Variants in VIRMA observed in about 807,000 individuals in gnomAD.
VIRMA encodes the protein vir like m6A methyltransferase associated.
Under a neutral mutation model 182.4 loss-of-function variants are expected in VIRMA, and 65 were observed. The observed-to-expected ratio is 0.36, with a 90% CI of 0.29 to 0.44. The LOEUF (loss-of-function observed/expected upper bound fraction) is 0.44, where lower values mean the gene tolerates loss of function less well. VIRMA is among the 20% of genes least tolerant of loss of function. VIRMA has a pLI of 1.00. For missense variants in VIRMA, 1,752 were observed against 2,158.1 expected, an observed-to-expected ratio of 0.81 and a Z score of 3.73; for synonymous variants, 709 against 743.1, an observed-to-expected ratio of 0.95 and a Z score of 0.75.
intron 16 of VIRMA, among the ~76,000 whole-genome samples, chr8:94,503,129 G>GTAA (rs1247188925): frequency 1.0e-5 from 1 of 98,440 alleles, no homozygotes; most frequent in Admixed American, 1.1e-4. Flanking sequence ...CACCACCACA[G>GTAA]TAATAACTGC....
chr8:94,496,518 GA>G, intron 17 of VIRMA, 38 bp from the exon 18 acceptor site: 2 of 1,562,156 alleles, frequency 1.3e-6, no homozygotes, highest in Non-Finnish European at 1.7e-6. Flanking sequence ...TGAGAACAGA[GA>G]AATTTACAAA....
intron 11 of VIRMA, among the ~76,000 whole-genome samples, chr8:94,513,739 C>T (rs149460287): frequency 3.9e-5 from 6 of 152,266 alleles, no homozygotes; most frequent in African/African-American, 1.4e-4. Flanking sequence ...AATACTCACT[C>T]AACCATGCAC....
chr8:94,517,309 T>C (rs899664225), intron 10 of VIRMA, among the ~76,000 whole-genome samples: 1 of 152,156 alleles, frequency 6.6e-6, no homozygotes, highest in African/African-American at 2.4e-5. Context: ...TTCAAGCAAT[T>C]CTCTTGCCTC....
intron 1 of VIRMA, among the ~76,000 whole-genome samples, chr8:94,549,645 C>A (rs1437410886): frequency 6.6e-6 from 1 of 152,186 alleles, no homozygotes; most frequent in African/African-American, 2.4e-5. Flanking sequence ...TTGTATAAAT[C>A]CTCTCCTACG....
chr8:94,535,422 T>C (rs1292328038), intron 4 of VIRMA, among the ~76,000 whole-genome samples: 1 of 152,176 alleles, frequency 6.6e-6, no homozygotes, highest in African/African-American at 2.4e-5. Context: ...TAAAACTACA[T>C]AGCATTCTTC....
chr8:94,526,817 CCTGTAA>C lies in VIRMA; in HGVS notation c.1421_1426del (p.Val474_Thr475del), dbSNP rs1814987689. On this transcript the variant is annotated inframe_deletion, in exon 8 of 24. Coordinates refer to ENST00000297591, the MANE Select transcript of VIRMA (RefSeq NM_015496.5). ...ACTGATCACTCCTGCTTGTAGCAGT[CCTGTAA>C]CTCCTTGAGCCCCACATTCTGCTAG... is the stretch of plus-strand genomic sequence containing the variant. 1 of 1,614,164 alleles carries C rather than the reference CCTGTAA, an allele frequency of 6.2e-7. No individual in the cohort carries two copies. Among genetic ancestry groups the C allele is most frequent in the African/African-American group, 1.3e-5 (1 of 75,038 alleles).
At position 94,506,619 on chromosome 8, in the gene VIRMA, G is replaced by T; in HGVS notation, c.3978C>A (p.Ile1326=). Residue 1326 remains isoleucine, a synonymous_variant, in exon 16 of 24, where the codon ATC becomes ATA. Coordinates refer to ENST00000297591, the MANE Select transcript of VIRMA (RefSeq NM_015496.5). The part of the protein sequence containing the change: ...SLPNKELMTS[I]CDCLLATLAN... ...CTAGCGTAGCCAACAGACAGTCACAGATTGAGGTCATCAATTCTTTATTTG... is the reference window on the plus strand; with the variant it reads ...CTAGCGTAGCCAACAGACAGTCACATATTGAGGTCATCAATTCTTTATTTG... 6.2e-7 allele frequency: 1 copy of T among 1,613,558 alleles called. No individual in the cohort carries two copies.
intron 15 of VIRMA, 57 bp downstream of exon 15, chr8:94,509,625 TACACAC>T (rs138207070): frequency 2.9e-5 from 41 of 1,412,640 alleles, no homozygotes; most frequent in South Asian, 1.0e-4. Flanking sequence ...GATGCTTAAA[TACACAC>T]ACACACACAC....
At chr8:94,530,514 A>G (rs990438014) in intron 6 of VIRMA, among the ~76,000 whole-genome samples, 2 of 151,974 alleles carry the variant, frequency 1.3e-5, no homozygotes, top group Admixed American at 6.6e-5. Flanking sequence ...AAAAAAAGAA[A>G]AAAGAAAGAA....
At chr8:94,504,564 A>G (rs1563459892) in intron 16 of VIRMA, among the ~76,000 whole-genome samples, 1 of 152,330 alleles carries the variant, frequency 6.6e-6, no homozygotes, top group East Asian at 1.9e-4. Context: ...ATTTCAGCAG[A>G]AATCCGGTTT....
At chr8:94,549,882 G>C (rs1217294889) in intron 1 of VIRMA, among the ~76,000 whole-genome samples, 1 of 152,110 alleles carries the variant, frequency 6.6e-6, no homozygotes, top group Non-Finnish European at 1.5e-5. Flanking sequence ...AATCGCTTGA[G>C]CTCAGGAATT....
chr8:94,512,643 G>A (rs1413028680), intron 11 of VIRMA, among the ~76,000 whole-genome samples: 1 of 152,116 alleles, frequency 6.6e-6, no homozygotes, highest in African/African-American at 2.4e-5. Flanking sequence ...CAGGCATGAC[G>A]GTGCGTGCCT....
intron 11 of VIRMA, among the ~76,000 whole-genome samples, chr8:94,514,559 C>T (rs928122953): frequency 9.2e-5 from 14 of 152,164 alleles, no homozygotes; most frequent in African/African-American, 3.4e-4. Context: ...ATGACTACAG[C>T]ATTTAAAACA....
In VIRMA at chr8:94,506,728, C is replaced by T. The variant is rs570616022; in HGVS notation, c.3880-11G>A. ...GATAAGTGCAATGTCCTGTGGGGAG[C>T]AGGGAAAAAAAAATCGATTTTTTAA... On this transcript the variant is annotated splice_polypyrimidine_tract_variant and intron_variant, in intron 15 of 23. Coordinates refer to ENST00000297591, the MANE Select transcript of VIRMA (RefSeq NM_015496.5). 1.9e-6 allele frequency: 3 copies of T among 1,558,376 alleles called. No homozygotes were observed. The highest frequency in any genetic ancestry group is 2.8e-5 in the African/African-American group (2 of 72,460).
rs528984885 is a variant in VIRMA at position 94,489,873 on chromosome 8, T to G, written c.5284+66A>C. ...CCCCTAGCCCCCTCTGTATATGATATCAACAATTTTAAAGGAGGAATTTAC... is the reference window on the plus strand; with the variant it reads ...CCCCTAGCCCCCTCTGTATATGATAGCAACAATTTTAAAGGAGGAATTTAC... On this transcript the variant is annotated intron_variant, in intron 23 of 23. Transcript: ENST00000297591. The G allele has an allele frequency of 6.5e-6, 10 of 1,542,258 alleles. No homozygotes were observed. In the African/African-American group the frequency reaches 1.2e-4, roughly 19 times the overall value.
intron 16 of VIRMA, among the ~76,000 whole-genome samples, chr8:94,503,022 T>C (rs950979130): frequency 2.6e-5 from 4 of 152,092 alleles, no homozygotes; most frequent in African/African-American, 9.7e-5. Flanking sequence ...CTGATATAAA[T>C]ATCTGGATAA....
At position 94,540,465 on chromosome 8, in the gene VIRMA, T is replaced by TTC. The variant is rs1554560344; in HGVS notation, c.180-2120_180-2119insGA. On this transcript the variant is annotated intron_variant, in intron 2 of 23. Transcript: ENST00000297591. ...TTCTTTACTTTTTCTTCTTTTCTTT[T>TTC]TTTTTTTTTTTTTTTTGAGACGGAG... Among the ~76,000 whole-genome samples the TTC allele has an allele frequency of 2.3e-3, 311 of 133,892 alleles. 2 individuals carry two copies. Among genetic ancestry groups the TTC allele is most frequent in the South Asian group, 0.016 (57 of 3,486 alleles). 87.8% of individuals were successfully genotyped at this position (133,892 alleles called of 152,430 possible). A position where few individuals can be genotyped will look rare whatever the true frequency, so the allele number is the denominator to read the frequency against.
chr8:94,526,709 C>G lies in VIRMA; in HGVS notation c.1535G>C (p.Ser512Thr), dbSNP rs1814983288. ...AAAAGCTTCCATTCCTTCTGTCATA[C>G]TAATGACACTGTCCAAAGCTTTAAA... ...NAFKALDSVI[S>T]MTEGMEAFLR... Residue 512 changes from serine to threonine, a missense_variant, in exon 8 of 24, where the codon AGT becomes ACT. Ser to Thr is a moderately conservative substitution (Grantham distance 58). Coordinates refer to ENST00000297591, the MANE Select transcript of VIRMA (RefSeq NM_015496.5). 1 of 1,613,560 alleles carries G rather than the reference C, an allele frequency of 6.2e-7. No individual in the cohort carries two copies. The highest frequency in any genetic ancestry group is 1.3e-5 in the African/African-American group (1 of 74,888).
At position 94,534,915 on chromosome 8, in the gene VIRMA, T is replaced by G. The variant is rs781703717; in HGVS notation, c.408A>C (p.Arg136Ser). 1 of 1,613,914 alleles carries G rather than the reference T, an allele frequency of 6.2e-7. No homozygotes were observed. The highest frequency in any genetic ancestry group is 1.1e-5 in the South Asian group (1 of 91,070). Residue 136 changes from arginine (R) to serine (S), a missense_variant, in exon 5 of 24, where the codon AGA (arginine) becomes AGC (serine). Physicochemically the swap from Arg to Ser is moderately radical, Grantham distance 110 (BLOSUM62 -1). Around this residue, in one of 11 missense-constraint regions of VIRMA, gnomAD observed 195 missense variants for 191.7 expected, o/e 1.02. Transcript: ENST00000297591. ...GTGGAGGTGGTGGTGGTGGAGAGTC[T>G]CTGTCATGACTTATCACTCTATCCA... Reference protein sequence around the residue: ...GSVDRVISHDRDSPPPPPPPP... With the variant: ...GSVDRVISHDSDSPPPPPPPP...
Sources: gnomAD v4.1 joint callset for allele counts (sites outside exome capture counted in the v4.1 genomes callset) on GRCh38, gnomAD v4.1.1 for gene constraint, gnomAD v4.1.1 regional missense constraint, MANE v1.5 for transcripts, NCBI Gene and HGNC (gene_info 2026-07-23, HGNC 2026-07-21) for gene names.